The following FAR2 variants were observed in gnomAD, a reference collection of about 807,000 sequenced individuals.
FAR2 encodes the protein epididymis secretory protein Li 81.
FAR2 carries 19 observed loss-of-function variants against 56.0 expected under a neutral mutation model. The ratio of observed to expected loss-of-function variants is 0.34; its 90% CI spans 0.24 to 0.50. The LOEUF (loss-of-function observed/expected upper bound fraction) is 0.50, where lower values mean the gene tolerates loss of function less well. FAR2 is among the 20% of genes least tolerant of loss of function. The pLI is 0.98. For synonymous variants in FAR2, 219 were observed against 218.8 expected, an observed-to-expected ratio of 1.00 and a Z score of -0.01; for missense variants, 508 against 642.2, an observed-to-expected ratio of 0.79 and a Z score of 2.26.
intron 1 of FAR2, among the ~76,000 whole-genome samples, chr12:29,186,097 AT>A (rs1476527739): frequency 6.6e-6 from 1 of 152,200 alleles, no homozygotes; most frequent in African/African-American, 2.4e-5. Context: ...TTGATAGTAT[AT>A]TTTCTTTAAC....
chr12:29,287,416 T>C (rs1948896314), intron 2 of FAR2, among the ~76,000 whole-genome samples: 1 of 152,216 alleles, frequency 6.6e-6, no homozygotes, highest in African/African-American at 2.4e-5. Flanking sequence ...ATCTGTACAT[T>C]GGGTATAATG....
chr12:29,266,752 CAT>C (rs1948523497), intron 1 of FAR2, among the ~76,000 whole-genome samples: 2 of 152,082 alleles, frequency 1.3e-5, no homozygotes, highest in Non-Finnish European at 2.9e-5. Flanking sequence ...CAAAATATCT[CAT>C]GTGCCTTATA....
At position 29,253,249 on chromosome 12, in the gene FAR2, C is replaced by A. The variant is rs954641573; in HGVS notation, c.-38-17163C>A. Among the ~76,000 whole-genome samples, 14 of 114,478 alleles carry A rather than the reference C, an allele frequency of 1.2e-4. 1 individual carries two copies. The highest frequency in any genetic ancestry group is 5.5e-4 in the East Asian group (2 of 3,616). 75.1% of individuals were successfully genotyped at this position (114,478 alleles called of 152,430 possible). On this transcript the variant is annotated intron_variant, in intron 1 of 11. Coordinates refer to ENST00000536681, the MANE Select transcript of FAR2 (RefSeq NM_001271783.2). ...TCTATCTAGATAGATATCTATATATCGATATCTATCTAGATAGATATCTAT... is the reference window on the plus strand; with the variant it reads ...TCTATCTAGATAGATATCTATATATAGATATCTATCTAGATAGATATCTAT...
At chr12:29,255,654 C>T (rs766560502) in intron 1 of FAR2, among the ~76,000 whole-genome samples, 5 of 150,622 alleles carry the variant, frequency 3.3e-5, no homozygotes, top group East Asian at 3.9e-4. Context: ...GATGGAGTTT[C>T]GTTCTTGTTG....
At position 29,332,824 on chromosome 12, in the gene FAR2, TG is replaced by T. The variant is rs909814827; in HGVS notation, c.1385+98del. ...TGTGCAGAGGAGAATGAACATTTCT[TG>T]AGCATTTACTACATTACAGGTCCTG... On this transcript the variant is annotated intron_variant, in intron 11 of 11. Transcript: ENST00000536681. 2.4e-6 allele frequency: 3 copies of T among 1,226,408 alleles called. No homozygotes were observed. In the African/African-American group the frequency reaches 4.5e-5, roughly 18 times the overall value. The allele number at this position is 1,226,408 out of a possible 1,614,324, so 76.0% of individuals were successfully genotyped here.
In FAR2 at chr12:29,270,468, T is replaced by C. The variant is rs767535537; in HGVS notation, c.19T>C (p.Phe7Leu). The C allele has an allele frequency of 3.1e-6, 5 of 1,590,318 alleles. No homozygotes were observed. In the African/African-American group the frequency reaches 4.0e-5, roughly 13 times the overall value. ...AGGAATCATGTCCACAATTGCAGCT[T>C]TCTATGGCGGCAAGTCCATTCTCAT... MSTIAA[F>L]YGGKSILITG... Residue 7 changes from phenylalanine to leucine, a missense_variant, in exon 2 of 12, where the codon TTC becomes CTC. Physicochemically the swap from Phe to Leu is conservative, Grantham distance 22. Transcript: ENST00000536681.
chr12:29,326,026 G>T (rs1371623645), intron 10 of FAR2, among the ~76,000 whole-genome samples: 8 of 152,082 alleles, frequency 5.3e-5, no homozygotes. Context: ...AAGAAGAAAA[G>T]AGAGAAGAAT....
rs149246191 is a variant in FAR2, at chr12:29,195,572, A to G, written c.-39+46165A>G. 1.4e-4 allele frequency among the ~76,000 whole-genome samples: 22 copies of G among 152,358 alleles called. 1 individual carries two copies. Among genetic ancestry groups the G allele is most frequent in the African/African-American group, 5.3e-4 (22 of 41,584 alleles). ...GGCTGATGGTCCTATATCTATGCTG[A>G]GAACAAAAGAATATACTCAAAGAGA... On this transcript the variant is annotated intron_variant, in intron 1 of 11. Transcript: ENST00000536681.
chr12:29,261,890 A>G (rs899127134), intron 1 of FAR2, among the ~76,000 whole-genome samples: 4 of 152,260 alleles, frequency 2.6e-5, no homozygotes, highest in African/African-American at 9.6e-5. Context: ...GATTTCATCA[A>G]CACCAGACCT....
At chr12:29,259,776 C>T (rs1948386165) in intron 1 of FAR2, among the ~76,000 whole-genome samples, 1 of 152,178 alleles carries the variant, frequency 6.6e-6, no homozygotes, top group South Asian at 2.1e-4. Context: ...TGTAAGCATT[C>T]AGTAAAAATA....
At chr12:29,239,809 C>G (rs1453911184) in intron 1 of FAR2, among the ~76,000 whole-genome samples, 1 of 152,046 alleles carries the variant, frequency 6.6e-6, no homozygotes, top group Non-Finnish European at 1.5e-5. Context: ...AATATATATC[C>G]TCTGGCTTTA....
intron 1 of FAR2, among the ~76,000 whole-genome samples, chr12:29,169,938 C>T (rs188457728): frequency 2.6e-5 from 4 of 152,196 alleles, no homozygotes; most frequent in Admixed American, 1.3e-4. Context: ...GTATGATTTC[C>T]GTAAGATTAG....
intron 1 of FAR2, among the ~76,000 whole-genome samples, chr12:29,188,377 C>T (rs1003750616): frequency 3.9e-5 from 6 of 152,074 alleles, no homozygotes; most frequent in African/African-American, 1.4e-4. Flanking sequence ...GAACACTCTG[C>T]TAAATTTTCC....
Position 29,285,822 on chromosome 12 carries a change from C to T in FAR2, c.190-7478C>T, listed in dbSNP as rs542092639. ...TAGTCCCAGCTACTTGGGAGGCTGA[C>T]GCAGGAGAATCACTTGAACCTGGGA... On this transcript the variant is annotated intron_variant, in intron 2 of 11. Coordinates refer to ENST00000536681, the MANE Select transcript of FAR2 (RefSeq NM_001271783.2). Among the ~76,000 whole-genome samples, 596 of 151,862 alleles carry T rather than the reference C, an allele frequency of 3.9e-3. 4 individuals carry two copies. Among genetic ancestry groups the T allele is most frequent in the African/African-American group, 5.8e-3 (239 of 41,388 alleles).
At chr12:29,219,626 A>G (rs1197604465) in intron 1 of FAR2, among the ~76,000 whole-genome samples, 1 of 152,120 alleles carries the variant, frequency 6.6e-6, no homozygotes, top group Non-Finnish European at 1.5e-5. Flanking sequence ...CTGAGTAGAC[A>G]AGAAAAAAAA....
intron 1 of FAR2, among the ~76,000 whole-genome samples, chr12:29,198,092 T>G (rs1950156947): frequency 6.6e-6 from 1 of 152,182 alleles, no homozygotes; most frequent in Non-Finnish European, 1.5e-5. Context: ...AAATAACAAA[T>G]TTTTAATGAG....
chr12:29,218,354 G>A (rs1330520807), intron 1 of FAR2, among the ~76,000 whole-genome samples: 2 of 119,730 alleles, frequency 1.7e-5, no homozygotes, highest in Non-Finnish European at 3.7e-5. Context: ...GCAAGACTCC[G>A]TCTCAAAAAA....
At chr12:29,271,159 C>A (rs1336959891) in intron 2 of FAR2, among the ~76,000 whole-genome samples, 3 of 152,038 alleles carry the variant, frequency 2.0e-5, no homozygotes, top group Non-Finnish European at 4.4e-5. Context: ...CCAATAAGTT[C>A]TTCTAAGGTA....
chr12:29,296,935 A>G, intron 3 of FAR2, 86 bp from the exon 4 acceptor site: 1 of 1,265,816 alleles, frequency 7.9e-7, no homozygotes, highest in Non-Finnish European at 1.1e-6. Flanking sequence ...TCTGATAGGT[A>G]TGCCAGTTAT....
Sources: gnomAD v4.1 joint callset for allele counts (sites outside exome capture counted in the v4.1 genomes callset) on GRCh38, gnomAD v4.1.1 for gene constraint, MANE v1.5 for transcripts, NCBI Gene and HGNC (gene_info 2026-07-23, HGNC 2026-07-21) for gene names.